CDK19: variants seen among roughly 807,000 people sequenced by gnomAD.
The protein encoded by CDK19 is cyclin-dependent kinase 19.
In CDK19, 20 loss-of-function variants were observed where a neutral mutation model predicts 68.3. That is an observed-to-expected ratio of 0.29 (90% CI 0.21 to 0.43). The LOEUF is 0.43. CDK19 is among the 20% of genes least tolerant of loss of function. The probability of loss-of-function intolerance (pLI) is 1.00; values close to 1 mark genes in which losing one functional copy is unlikely to be tolerated. For synonymous variants in CDK19, 221 were observed against 222.8 expected (o/e 0.99, Z 0.07); for missense variants, 339 against 623.5 (o/e 0.54, Z 4.86).
At chr6:110,645,620 C>T (rs1780507016) in intron 4 of CDK19, 2 of 265,534 alleles carry the variant, frequency 7.5e-6, no homozygotes, top group Non-Finnish European at 7.5e-6. Flanking sequence ...CTCGGTCCCT[C>T]GGGACTACAG....
At chr6:110,645,173 C>T (rs1439844810) in intron 4 of CDK19, among the ~76,000 whole-genome samples, 1 of 152,130 alleles carries the variant, frequency 6.6e-6, no homozygotes, top group Non-Finnish European at 1.5e-5. Flanking sequence ...CTCAAGCACA[C>T]ATGGAACATT....
At chr6:110,617,670 C>T (rs1036409468) in intron 12 of CDK19, among the ~76,000 whole-genome samples, 18,529 of 120,346 alleles carry the variant, frequency 0.15, 1,590 homozygotes, top group South Asian at 0.32. Context: ...TATACACACA[C>T]ACACACACAC....
At chr6:110,744,010 C>CTTT (rs1562252582) in intron 2 of CDK19, among the ~76,000 whole-genome samples, 1 of 88,044 alleles carries the variant, frequency 1.1e-5, no homozygotes, top group East Asian at 4.7e-4. Context: ...TACCTCCCCA[C>CTTT]GTTTTTTTTT....
Position 110,815,159 on chromosome 6 carries a change from A to C in CDK19, c.-23T>G, listed in dbSNP as rs1783526686. Reference sequence around the variant, plus strand: ...CATTGTCTGCTTCCCCCATAGAGGCACGGGACGCGGGGGCCGCCGCCGCTC... The same window carrying C: ...CATTGTCTGCTTCCCCCATAGAGGCCCGGGACGCGGGGGCCGCCGCCGCTC... On this transcript the variant is annotated 5_prime_UTR_variant, in exon 1 of 13. Coordinates refer to ENST00000368911, the MANE Select transcript of CDK19 (RefSeq NM_015076.5). 1.3e-6 allele frequency: 2 copies of C among 1,565,070 alleles called. No homozygotes were observed. The highest frequency in any genetic ancestry group is 5.2e-5 in the East Asian group (2 of 38,690).
intron 2 of CDK19, among the ~76,000 whole-genome samples, chr6:110,728,908 C>T (rs1243609611): frequency 6.6e-6 from 1 of 152,178 alleles, no homozygotes; most frequent in Non-Finnish European, 1.5e-5. Context: ...ATGATACTAG[C>T]TTTTCCTTAG....
chr6:110,617,662 T>TATACACAC lies in CDK19; in HGVS notation c.1378-2997_1378-2996insGTGTGTAT, dbSNP rs755618032. On this transcript the variant is annotated intron_variant, in intron 12 of 12. Transcript: ENST00000368911. ...AATAATAAAATTATTTATATATATA[T>TATACACAC]ACACACACACACACACACACACACA... is the stretch of plus-strand genomic sequence containing the variant. Among the ~76,000 whole-genome samples the TATACACAC allele has an allele frequency of 3.6e-3, 385 of 107,138 alleles. 3 individuals are homozygous for TATACACAC. Among genetic ancestry groups the TATACACAC allele is most frequent in the African/African-American group, 4.9e-3 (126 of 25,942 alleles). The allele number at this position is 107,138 out of a possible 152,430, so 70.3% of individuals were successfully genotyped here.
chr6:110,716,221 A>G (rs184295912), intron 2 of CDK19, among the ~76,000 whole-genome samples: 2 of 152,216 alleles, frequency 1.3e-5, no homozygotes, highest in African/African-American at 4.8e-5. Context: ...ATGCTCAAGT[A>G]TAAGGAAAAC....
At chr6:110,769,804 C>G (rs1179570232) in intron 1 of CDK19, among the ~76,000 whole-genome samples, 1 of 152,012 alleles carries the variant, frequency 6.6e-6, no homozygotes, top group Non-Finnish European at 1.5e-5. Context: ...TACAGATACT[C>G]TATTGAGATT....
intron 2 of CDK19, among the ~76,000 whole-genome samples, chr6:110,684,587 T>C (rs1236113897): frequency 6.6e-6 from 1 of 152,168 alleles, no homozygotes; most frequent in Non-Finnish European, 1.5e-5. Context: ...CAGTTTTTCT[T>C]AACATCTTAC....
At chr6:110,720,724 G>T (rs1775802746) in intron 2 of CDK19, among the ~76,000 whole-genome samples, 1 of 151,876 alleles carries the variant, frequency 6.6e-6, no homozygotes, top group South Asian at 2.1e-4. Flanking sequence ...AAACTTAGCA[G>T]GGTGTGGTGG....
chr6:110,813,912 T>G (rs1783334285), intron 1 of CDK19: 1 of 152,262 alleles, frequency 6.6e-6, no homozygotes, highest in Admixed American at 6.5e-5. Flanking sequence ...TGACTCTCTT[T>G]AAAGTCTATG....
chr6:110,670,758 A>G (rs1476780592), intron 2 of CDK19: 1 of 637,672 alleles, frequency 1.6e-6, no homozygotes, highest in East Asian at 3.1e-5. Context: ...GTGCTTAGGT[A>G]TATCTGTTTT....
Position 110,610,329 on chromosome 6 carries a change from CAT to C in CDK19, c.*4204_*4205del, listed in dbSNP as rs979273341. ...AGTTTAGAAAGGATATACTACATAACATATATAAAAAGTACTTTAAATTGTTG... is the reference window on the plus strand; with the variant it reads ...AGTTTAGAAAGGATATACTACATAACATATAAAAAGTACTTTAAATTGTTG... On this transcript the variant is annotated 3_prime_UTR_variant, in exon 13 of 13. Transcript: ENST00000368911. 3.3e-5 allele frequency: 5 copies of C among 152,570 alleles called. No individual in the cohort carries two copies. The highest frequency in any genetic ancestry group is 1.2e-4 in the African/African-American group (5 of 41,428). 9.5% of individuals were successfully genotyped at this position (152,570 alleles called of 1,614,324 possible).
intron 2 of CDK19, among the ~76,000 whole-genome samples, chr6:110,738,176 C>A (rs532698475): frequency 6.6e-6 from 1 of 151,906 alleles, no homozygotes; most frequent in African/African-American, 2.4e-5. Flanking sequence ...TAAAGTTGCA[C>A]GCATATTTAA....
intron 2 of CDK19, among the ~76,000 whole-genome samples, chr6:110,683,701 CTTTTTTTT>C: frequency 7.8e-6 from 1 of 127,394 alleles, no homozygotes; most frequent in South Asian, 2.6e-4. Flanking sequence ...AGTATTTAAT[CTTTTTTTT>C]TTTTTTTTTT....
intron 2 of CDK19, among the ~76,000 whole-genome samples, chr6:110,704,756 T>C (rs1774294785): frequency 1.3e-5 from 2 of 151,970 alleles, no homozygotes; most frequent in Admixed American, 6.6e-5. Context: ...ACTATATAGA[T>C]TCAGGTAATC....
chr6:110,771,678 G>C (rs1780023399), intron 1 of CDK19, among the ~76,000 whole-genome samples: 1 of 152,146 alleles, frequency 6.6e-6, no homozygotes, highest in African/African-American at 2.4e-5. Flanking sequence ...AACATTGTCA[G>C]GCTGCAAATT....
intron 2 of CDK19, among the ~76,000 whole-genome samples, chr6:110,719,057 A>G (rs1775625705): frequency 6.6e-6 from 1 of 152,218 alleles, no homozygotes; most frequent in Non-Finnish European, 1.5e-5. Context: ...CTACTAAATT[A>G]GAAAGAGTAT....
At chr6:110,637,591 G>C (rs965590196) in intron 5 of CDK19, among the ~76,000 whole-genome samples, 30 of 152,160 alleles carry the variant, frequency 2.0e-4, no homozygotes, top group African/African-American at 7.2e-4. Context: ...CTTTAGCATG[G>C]TATATTCTAA....
Sources: allele counts gnomAD v4.1 joint callset (sites outside exome capture counted in the v4.1 genomes callset), GRCh38; gene constraint gnomAD v4.1.1; transcripts MANE v1.5; gene names NCBI Gene and HGNC (gene_info 2026-07-23, HGNC 2026-07-21).